CADM2: variants seen among roughly 807,000 people sequenced by gnomAD.
The protein encoded by CADM2 is immunoglobulin superfamily member 4D.
CADM2 carries 12 observed loss-of-function variants against 49.8 expected under a neutral mutation model. The observed-to-expected ratio is 0.24, with a 90% confidence interval of 0.15 to 0.39. The LOEUF is 0.39. Ranked by LOEUF, CADM2 falls within the 10% of genes least tolerant of loss-of-function variation. The pLI, the probability that CADM2 is intolerant of heterozygous loss-of-function variation, is 1.00. For missense variants in CADM2, 378 were observed against 492.3 expected (o/e 0.77, Z 2.20); for synonymous variants, 214 against 175.4 (o/e 1.22, Z -1.74).
In CADM2 at chr3:85,954,958, A is replaced by C. The variant is rs772345290; in HGVS notation, c.792-6511A>C. Among the ~76,000 whole-genome samples, 3 of 150,894 alleles carry C rather than the reference A, an allele frequency of 2.0e-5. No individual in the cohort carries two copies. The East Asian group carries it at 5.9e-4, about 30-fold the overall frequency. ...TAGAGAGGGATTAAGTTTTTAAAAAACTCCCTGGTTTTAAAACTTTAATAA... is the reference window on the plus strand; with the variant it reads ...TAGAGAGGGATTAAGTTTTTAAAAACCTCCCTGGTTTTAAAACTTTAATAA... On this transcript the variant is annotated intron_variant, in intron 7 of 9. Transcript: ENST00000383699.
intron 1 of CADM2, among the ~76,000 whole-genome samples, chr3:85,344,238 G>A (rs1264557992): frequency 6.6e-6 from 1 of 151,544 alleles, no homozygotes; most frequent in African/African-American, 2.4e-5. Context: ...AAAATTAGCT[G>A]GGCGTGGTGG....
At chr3:85,682,340 A>T (rs1306978512) in intron 1 of CADM2, among the ~76,000 whole-genome samples, 2 of 152,044 alleles carry the variant, frequency 1.3e-5, no homozygotes, top group African/African-American at 4.8e-5. Context: ...GCCTTTCTAA[A>T]TAGGAGGAAA....
At chr3:85,219,841 G>A (rs2042007804) in intron 1 of CADM2, among the ~76,000 whole-genome samples, 1 of 152,086 alleles carries the variant, frequency 6.6e-6, no homozygotes, top group African/African-American at 2.4e-5. Context: ...TTTGGTAGCT[G>A]GGATTATAAT....
At chr3:85,142,845 C>T (rs914303414) in intron 1 of CADM2, among the ~76,000 whole-genome samples, 4 of 152,116 alleles carry the variant, frequency 2.6e-5, no homozygotes, top group South Asian at 2.1e-4. Context: ...TAAATCAGGA[C>T]GATGACCCTA....
intron 7 of CADM2, among the ~76,000 whole-genome samples, chr3:85,954,092 A>T (rs906323759): frequency 1.3e-5 from 2 of 151,006 alleles, no homozygotes; most frequent in African/African-American, 4.8e-5. Context: ...AATTTATTTG[A>T]TATTTAAAGA....
chr3:85,153,898 C>T lies in CADM2; in HGVS notation c.61+194230C>T, dbSNP rs551519282. Among the ~76,000 whole-genome samples the T allele has an allele frequency of 8.0e-3, 1,225 of 152,236 alleles. 18 individuals are homozygous for T. Among genetic ancestry groups the T allele is most frequent in the African/African-American group, 0.028 (1,166 of 41,528 alleles). On this transcript the variant is annotated intron_variant, in intron 1 of 9. Transcript: ENST00000383699. ...AGGGTCCTGACTGTTAGAAGGAAAACTAACAAACAGAAAGGACATCCACAC... is the reference window on the plus strand; with the variant it reads ...AGGGTCCTGACTGTTAGAAGGAAAATTAACAAACAGAAAGGACATCCACAC...
intron 1 of CADM2, among the ~76,000 whole-genome samples, chr3:85,046,224 A>G (rs1472605185): frequency 6.6e-6 from 1 of 152,010 alleles, no homozygotes. Context: ...AAAGGACCTT[A>G]TCATGTTGCG....
chr3:85,048,679 G>A (rs2035760971), intron 1 of CADM2, among the ~76,000 whole-genome samples: 1 of 152,150 alleles, frequency 6.6e-6, no homozygotes, highest in Non-Finnish European at 1.5e-5. Context: ...TCATTTACAT[G>A]TGGCATGAGA....
intron 1 of CADM2, among the ~76,000 whole-genome samples, chr3:85,717,815 T>G (rs2067351087): frequency 6.6e-6 from 1 of 152,224 alleles, no homozygotes; most frequent in South Asian, 2.1e-4. Flanking sequence ...TCGCCCAGGC[T>G]GGAGTGCAAT....
At chr3:85,365,456 C>G (rs370295385) in intron 1 of CADM2, among the ~76,000 whole-genome samples, 1 of 151,892 alleles carries the variant, frequency 6.6e-6, no homozygotes, top group Non-Finnish European at 1.5e-5. Flanking sequence ...AATATTGGCC[C>G]ATTATTCAAT....
chr3:85,782,945 A>G (rs964319925), intron 2 of CADM2, among the ~76,000 whole-genome samples: 2 of 152,104 alleles, frequency 1.3e-5, no homozygotes, highest in African/African-American at 2.4e-5. Context: ...TTAAAACTCA[A>G]CTCAGCAAAA....
At chr3:85,039,800 C>T (rs1559630209) in intron 1 of CADM2, among the ~76,000 whole-genome samples, 1 of 152,068 alleles carries the variant, frequency 6.6e-6, no homozygotes, top group Non-Finnish European at 1.5e-5. Context: ...CATCAAGAAG[C>T]GCAGTGAGCT....
intron 1 of CADM2, among the ~76,000 whole-genome samples, chr3:85,420,874 A>AT (rs759625289): frequency 2.6e-5 from 4 of 151,324 alleles, no homozygotes; most frequent in South Asian, 4.2e-4. Flanking sequence ...TTTGTGTTTC[A>AT]TTTTTTTTTA....
chr3:85,858,080 T>C (rs995466535), intron 3 of CADM2, among the ~76,000 whole-genome samples: 13 of 152,218 alleles, frequency 8.5e-5, no homozygotes, highest in Non-Finnish European at 1.8e-4. Context: ...TGATGTGAAG[T>C]AAACATGTTT....
intron 1 of CADM2, among the ~76,000 whole-genome samples, chr3:85,482,367 G>C (rs184082612): frequency 1.3e-5 from 2 of 151,778 alleles, no homozygotes; most frequent in Non-Finnish European, 3.0e-5. Context: ...AATAGTTTTT[G>C]AGAGTTTGTC....
At chr3:85,784,475 AGGT>A in intron 2 of CADM2, among the ~76,000 whole-genome samples, 1 of 152,260 alleles carries the variant, frequency 6.6e-6, no homozygotes, top group Admixed American at 6.5e-5. Context: ...AATAAGAATC[AGGT>A]ATTATTAATA....
At chr3:85,959,072 C>CTATATCTATATATA (rs1559767015) in intron 7 of CADM2, among the ~76,000 whole-genome samples, 146 of 150,590 alleles carry the variant, frequency 9.7e-4, no homozygotes, top group African/African-American at 3.4e-3. Context: ...ATCTATATAT[C>CTATATCTATATATA]TATATAGCTA....
intron 1 of CADM2, among the ~76,000 whole-genome samples, chr3:85,278,176 G>C (rs1441177075): frequency 6.6e-6 from 1 of 151,020 alleles, no homozygotes; most frequent in African/African-American, 2.4e-5. Flanking sequence ...AAAACTAGTA[G>C]GTACCTAATG....
At chr3:85,354,825 G>A (rs1391426608) in intron 1 of CADM2, among the ~76,000 whole-genome samples, 1 of 151,992 alleles carries the variant, frequency 6.6e-6, no homozygotes. Flanking sequence ...CATTTCGAGG[G>A]GGTTATGAAA....
Sources: allele counts gnomAD v4.1 joint callset (sites outside exome capture counted in the v4.1 genomes callset), GRCh38; gene constraint gnomAD v4.1.1; transcripts MANE v1.5; gene names NCBI Gene and HGNC (gene_info 2026-07-23, HGNC 2026-07-21).